The following ASIC2 variants were observed in gnomAD, a reference collection of about 807,000 sequenced individuals.
ASIC2 encodes acid-sensing ion channel 2.
A neutral mutation model predicts 57.3 loss-of-function variants in ASIC2; 25 were observed. That is an observed-to-expected ratio of 0.44 (90% CI 0.32 to 0.61). The LOEUF (loss-of-function observed/expected upper bound fraction) is 0.61, where lower values mean the gene tolerates loss of function less well. ASIC2 is among the 20% of genes least tolerant of loss of function. The probability of loss-of-function intolerance (pLI) is 0.06; values close to 1 mark genes in which losing one functional copy is unlikely to be tolerated. For synonymous variants in ASIC2, 319 were observed against 307.5 expected, an observed-to-expected ratio of 1.04 and a Z score of -0.39; for missense variants, 641 against 738.1, an observed-to-expected ratio of 0.87 and a Z score of 1.52.
intron 2 of ASIC2, among the ~76,000 whole-genome samples, chr17:33,109,760 A>C (rs1020765691): frequency 6.6e-6 from 1 of 152,328 alleles, no homozygotes; most frequent in South Asian, 2.1e-4. Context: ...TGAGGGTCCA[A>C]AAACTTGGGT....
rs188900082 is a variant in ASIC2 at position 33,144,902 on chromosome 17, C to T, written c.709-32835G>A. ...TGGATGAATCCGATCTGAGTCATTGCTCCTTCATTTTCATTGGCCTGGAAG... is the reference window on the plus strand; with the variant it reads ...TGGATGAATCCGATCTGAGTCATTGTTCCTTCATTTTCATTGGCCTGGAAG... On this transcript the variant is annotated intron_variant, in intron 1 of 9. Transcript: ENST00000225823. Among the ~76,000 whole-genome samples, 334 of 152,336 alleles carry T rather than the reference C, an allele frequency of 2.2e-3. 2 individuals are homozygous for T. The highest frequency in any genetic ancestry group is 7.8e-3 in the African/African-American group (323 of 41,576).
intron 1 of ASIC2, among the ~76,000 whole-genome samples, chr17:33,650,849 G>T (rs2142039081): frequency 6.6e-6 from 1 of 152,272 alleles, no homozygotes; most frequent in African/African-American, 2.4e-5. Flanking sequence ...AAGGAAAGGG[G>T]CTGTGGCTAT....
intron 1 of ASIC2, among the ~76,000 whole-genome samples, chr17:33,518,851 C>G (rs376503681): frequency 1.3e-5 from 2 of 151,386 alleles, no homozygotes; most frequent in African/African-American, 2.4e-5. Flanking sequence ...GATGGAGTCT[C>G]GCTCTGTCAC....
chr17:33,894,327 CTGCGTGCG>C (rs763612647), intron 1 of ASIC2, among the ~76,000 whole-genome samples: 1 of 147,268 alleles, frequency 6.8e-6, no homozygotes, highest in Non-Finnish European at 1.5e-5. Flanking sequence ...GAGAGAAGCT[CTGCGTGCG>C]TGCGTGCGTG....
intron 1 of ASIC2, among the ~76,000 whole-genome samples, chr17:33,182,118 A>C (rs911722662): frequency 6.6e-6 from 1 of 152,200 alleles, no homozygotes; most frequent in Non-Finnish European, 1.5e-5. Context: ...ACAGGGAGAC[A>C]GTCTGAAGGT....
intron 1 of ASIC2, among the ~76,000 whole-genome samples, chr17:33,557,175 C>A (rs1245357179): frequency 6.6e-6 from 1 of 151,804 alleles, no homozygotes; most frequent in African/African-American, 2.4e-5. Context: ...TATAAGGTGG[C>A]CTTTTTCCTT....
intron 1 of ASIC2, among the ~76,000 whole-genome samples, chr17:33,805,708 T>C (rs1912249036): frequency 3.3e-5 from 5 of 152,170 alleles, no homozygotes; most frequent in Admixed American, 2.0e-4. Context: ...CGTTTCCCTT[T>C]CAGAAGGTCA....
chr17:33,381,938 T>A (rs1026292176), intron 1 of ASIC2, among the ~76,000 whole-genome samples: 2 of 152,196 alleles, frequency 1.3e-5, no homozygotes, highest in African/African-American at 4.8e-5. Flanking sequence ...CTGTTTTTGA[T>A]GCATAAGAAC....
chr17:33,463,187 T>C (rs1284648800), intron 1 of ASIC2, among the ~76,000 whole-genome samples: 1 of 152,196 alleles, frequency 6.6e-6, no homozygotes, highest in Non-Finnish European at 1.5e-5. Flanking sequence ...CTGCCATTGG[T>C]CCCAGTATTA....
chr17:33,014,739 A>G (rs1340056886), intron 9 of ASIC2, among the ~76,000 whole-genome samples: 1 of 152,126 alleles, frequency 6.6e-6, no homozygotes, highest in African/African-American at 2.4e-5. Context: ...TAGGGCCACA[A>G]CTAGGGGAGG....
rs535141499 is a variant in ASIC2, at chr17:33,750,293, G to T, written c.555+405685C>A. 3.3e-5 allele frequency among the ~76,000 whole-genome samples: 5 copies of T among 152,214 alleles called. No homozygotes were observed. The East Asian group carries it at 9.6e-4, about 29-fold the overall frequency. On this transcript the variant is annotated intron_variant, in intron 1 of 9. Transcript: ENST00000359872. ...ACCCCTTCCTCTTTCCTGGACTTTGGTTCCTCATCCTTAAATGAACAGATT... is the reference window on the plus strand; with the variant it reads ...ACCCCTTCCTCTTTCCTGGACTTTGTTTCCTCATCCTTAAATGAACAGATT...
intron 1 of ASIC2, among the ~76,000 whole-genome samples, chr17:33,919,854 G>A (rs935820763): frequency 6.6e-6 from 1 of 152,080 alleles, no homozygotes; most frequent in Non-Finnish European, 1.5e-5. Flanking sequence ...ATTAAAAAGC[G>A]GGCAAAGGAA....
intron 1 of ASIC2, among the ~76,000 whole-genome samples, chr17:33,796,687 C>T (rs1567718060): frequency 6.6e-6 from 1 of 152,152 alleles, no homozygotes; most frequent in Non-Finnish European, 1.5e-5. Context: ...ACGCTCTTTC[C>T]CTTTAGTCAT....
At chr17:33,169,914 C>T (rs74555213) in intron 1 of ASIC2, among the ~76,000 whole-genome samples, 2,567 of 152,282 alleles carry the variant, frequency 0.017, 71 homozygotes, top group East Asian at 0.12. Context: ...TTCTTTGTAG[C>T]CTTGGGTGGG....
At chr17:33,822,385 T>G (rs1477259630) in intron 1 of ASIC2, among the ~76,000 whole-genome samples, 1 of 152,164 alleles carries the variant, frequency 6.6e-6, no homozygotes, top group Non-Finnish European at 1.5e-5. Flanking sequence ...TGTGGGAAGG[T>G]GTGGCTGGTG....
intron 1 of ASIC2, among the ~76,000 whole-genome samples, chr17:33,599,122 T>C (rs1490229066): frequency 2.0e-5 from 3 of 152,202 alleles, no homozygotes; most frequent in Non-Finnish European, 4.4e-5. Flanking sequence ...CTTCACAGGG[T>C]TGTGAAGAGG....
intron 1 of ASIC2, among the ~76,000 whole-genome samples, chr17:33,275,122 A>G (rs753152727): frequency 1.2e-4 from 18 of 152,198 alleles, no homozygotes; most frequent in Non-Finnish European, 1.9e-4. Flanking sequence ...GAAGTGGTGA[A>G]CTGAGGCAAT....
intron 1 of ASIC2, among the ~76,000 whole-genome samples, chr17:33,858,051 A>G (rs1767403535): frequency 6.6e-6 from 1 of 152,150 alleles, no homozygotes; most frequent in African/African-American, 2.4e-5. Context: ...TTCTTCTGGG[A>G]GAACTCTGAG....
intron 1 of ASIC2, among the ~76,000 whole-genome samples, chr17:33,949,234 C>T (rs1295151931): frequency 2.0e-5 from 3 of 152,082 alleles, no homozygotes; most frequent in African/African-American, 7.2e-5. Context: ...GTGATTGTGC[C>T]ATGTCTTTTG....
Sources: allele counts gnomAD v4.1 joint callset (sites outside exome capture counted in the v4.1 genomes callset), GRCh38; gene constraint gnomAD v4.1.1; transcripts MANE v1.5; gene names NCBI Gene and HGNC (gene_info 2026-07-23, HGNC 2026-07-21).